Variants in FAM83A observed in about 807,000 individuals in gnomAD.
FAM83A encodes the protein protein FAM83A.
A neutral mutation model predicts 24.4 loss-of-function variants in FAM83A; 21 were observed. That is an observed-to-expected ratio of 0.86 (90% CI 0.61 to 1.24). The LOEUF is 1.24. FAM83A is among the 50% of genes most tolerant of loss of function. FAM83A has a pLI of 0.00. For missense variants in FAM83A, 617 were observed against 579.8 expected (o/e 1.06, Z -0.66); for synonymous variants, 270 against 252.4 (o/e 1.07, Z -0.66).
At chr8:123,196,158 C>T (rs758985499) in intron 3 of FAM83A, among the ~76,000 whole-genome samples, 119 of 152,234 alleles carry the variant, frequency 7.8e-4, no homozygotes, top group South Asian at 1.5e-3. Flanking sequence ...ATTACAGGCA[C>T]CCGCCACCAC....
At chr8:123,200,719 C>T (rs931847805) in intron 3 of FAM83A, among the ~76,000 whole-genome samples, 8 of 151,934 alleles carry the variant, frequency 5.3e-5, no homozygotes, top group African/African-American at 1.9e-4. Context: ...TTTGGGAGGC[C>T]GAGGCGGGTG....
intron 3 of FAM83A, among the ~76,000 whole-genome samples, chr8:123,195,517 C>A (rs138098485): frequency 8.5e-5 from 13 of 152,192 alleles, no homozygotes; most frequent in African/African-American, 3.1e-4. Context: ...TCCAGTCTTC[C>A]TTGGGCTTAA....
rs533253170 is a variant in FAM83A, at chr8:123,204,498, C to G, written c.774-2659C>G. Among the ~76,000 whole-genome samples, 8 of 152,330 alleles carry G rather than the reference C, an allele frequency of 5.3e-5. No individual in the cohort carries two copies. The South Asian group carries it at 1.7e-3, about 32-fold the overall frequency. On this transcript the variant is annotated intron_variant, in intron 3 of 3. Transcript: ENST00000690554. ...AATGTATTGGCCGGGCGCAGTGGCT[C>G]ACGCCTGTAATCCCACCACTTTGGG...
intron 3 of FAM83A, chr8:123,201,158 A>G (rs549183380): frequency 6.6e-6 from 1 of 152,140 alleles, no homozygotes; most frequent in African/African-American, 2.4e-5. Flanking sequence ...AAAAACAGAA[A>G]CAAAAACAAA....
chr8:123,208,047 A>T, exon 4 of FAM83A: 1 of 1,075,562 alleles, frequency 9.3e-7, no homozygotes, highest in Non-Finnish European at 1.1e-6. Flanking sequence ...CCCAAGTTTT[A>T]CAAATGGGTA....
chr8:123,201,425 C>T (rs1824353473), intron 3 of FAM83A: 1 of 152,200 alleles, frequency 6.6e-6, no homozygotes, highest in African/African-American at 2.4e-5. Context: ...TGTTTACTGT[C>T]ATTCCTGAGA....
Position 123,209,725 on chromosome 8 carries a change from G to GC in FAM83A, c.*2043dup. 3 of 670,534 alleles carry GC rather than the reference G, an allele frequency of 4.5e-6. No homozygotes were observed. Among genetic ancestry groups the GC allele is most frequent in the Non-Finnish European group, 7.6e-6 (3 of 396,652 alleles). 41.5% of individuals were successfully genotyped at this position (670,534 alleles called of 1,614,324 possible). Reference sequence around the variant, plus strand: ...GGGGAGAACCTGCAGGCAGGAACAAGCCCCCCTACTCCTGACCACCCTCCA... The same window carrying GC: ...GGGGAGAACCTGCAGGCAGGAACAAGCCCCCCCTACTCCTGACCACCCTCCA... On this transcript the variant is annotated 3_prime_UTR_variant, in exon 4 of 4. Transcript: ENST00000690554. The surrounding 1 kb of genome is among the most constrained non-coding windows in gnomAD (Gnocchi z 4.7).
chr8:123,200,029 C>T (rs1433884283), intron 3 of FAM83A: 1 of 153,798 alleles, frequency 6.5e-6, no homozygotes, highest in East Asian at 1.9e-4. Flanking sequence ...CTTATGGGAG[C>T]TACTGGGGAA....
chr8:123,181,860 A>T, upstream of FAM83A: 1 of 347,992 alleles, frequency 2.9e-6, no homozygotes, highest in Admixed American at 3.6e-5. Flanking sequence ...ACTTGTACTG[A>T]AATCCTAGTC....
chr8:123,188,186 G>T (rs1256856471), intron 1 of FAM83A, among the ~76,000 whole-genome samples: 3 of 151,722 alleles, frequency 2.0e-5, no homozygotes, highest in Non-Finnish European at 4.4e-5. Context: ...GTAGCTCCAG[G>T]CATTCCTGGT....
chr8:123,188,066 G>A (rs1823862274), intron 1 of FAM83A, among the ~76,000 whole-genome samples: 1 of 151,568 alleles, frequency 6.6e-6, no homozygotes, highest in South Asian at 2.1e-4. Flanking sequence ...GTAGAGATGG[G>A]GTTTCACCAT....
At chr8:123,191,067 G>A (rs34947160) in intron 1 of FAM83A, among the ~76,000 whole-genome samples, 27,500 of 152,128 alleles carry the variant, frequency 0.18, 2,670 homozygotes, top group Admixed American at 0.24. Context: ...CCCATATCCA[G>A]TCAAAGAATG....
intron 3 of FAM83A, among the ~76,000 whole-genome samples, chr8:123,205,827 G>T (rs959371727): frequency 6.6e-6 from 1 of 152,082 alleles, no homozygotes; most frequent in African/African-American, 2.4e-5. Flanking sequence ...TTTTCCATCG[G>T]AAACAGAAAA....
At chr8:123,184,127 C>G (rs2131058170) in intron 1 of FAM83A, among the ~76,000 whole-genome samples, 1 of 152,260 alleles carries the variant, frequency 6.6e-6, no homozygotes, top group South Asian at 2.1e-4. Context: ...TACCAAGTGC[C>G]CTGTAGAGCT....
chr8:123,206,825 C>T (rs1824566224), intron 3 of FAM83A, among the ~76,000 whole-genome samples: 1 of 152,310 alleles, frequency 6.6e-6, no homozygotes, highest in East Asian at 1.9e-4. Context: ...TGGTCCCCTT[C>T]CGTCCCTGCC....
At chr8:123,199,340 G>A (rs1161457569) in intron 3 of FAM83A, among the ~76,000 whole-genome samples, 5 of 152,212 alleles carry the variant, frequency 3.3e-5, no homozygotes, top group African/African-American at 1.2e-4. Context: ...CAGGCAGGCC[G>A]TGATTATTAC....
chr8:123,208,988 G>A (rs966738502), exon 4 of FAM83A: 2 of 986,108 alleles, frequency 2.0e-6, no homozygotes, highest in African/African-American at 3.5e-5. Flanking sequence ...AAAAGAGAGA[G>A]AGCATAGAGG....
Position 123,183,386 on chromosome 8 carries a change from G to C in FAM83A, c.480+50G>C, listed in dbSNP as rs779631433. On this transcript the variant is annotated intron_variant, in intron 1 of 3. Coordinates refer to ENST00000690554, the Ensembl canonical transcript of FAM83A. ...CCGTGGCCAAGTAGCAGGGAGGATC[G>C]GGGGCTGATAGAGCAGGGAGGGGGG... 5 of 1,570,146 alleles carry C rather than the reference G, an allele frequency of 3.2e-6. No individual in the cohort carries two copies. The East Asian group carries it at 6.8e-5, about 21-fold the overall frequency.
In FAM83A at chr8:123,185,829, C is replaced by T. The variant is rs1398640990; in HGVS notation, c.480+2493C>T. 2.6e-5 allele frequency among the ~76,000 whole-genome samples: 4 copies of T among 152,306 alleles called. No individual in the cohort carries two copies. In the East Asian group the frequency reaches 5.8e-4, roughly 22 times the overall value. ...ATTTTGAGACGGAGTCTCACTCTGT[C>T]GCCCAGGCTGGAGTGCGTTGGCTCG... On this transcript the variant is annotated intron_variant, in intron 1 of 3. Transcript: ENST00000690554.
Sources: gnomAD v4.1 joint callset for allele counts (sites outside exome capture counted in the v4.1 genomes callset) on GRCh38, gnomAD v4.1.1 for gene constraint, Gnocchi (gnomAD v3.1) non-coding constraint, MANE v1.5 for transcripts, NCBI Gene and HGNC (gene_info 2026-07-23, HGNC 2026-07-21) for gene names.